Variants in CTNNA2 observed in about 807,000 individuals in gnomAD.
CTNNA2 encodes catenin alpha-2.
CTNNA2 carries 42 observed loss-of-function variants against 101.0 expected under a neutral mutation model. That is an observed-to-expected ratio of 0.42 (90% CI 0.32 to 0.54). The LOEUF (loss-of-function observed/expected upper bound fraction) is 0.54, where lower values mean the gene tolerates loss of function less well. Among genes scored for constraint, CTNNA2 ranks in the 20% least tolerant of loss-of-function variants. CTNNA2 has a pLI of 0.14. For synonymous variants in CTNNA2, 450 were observed against 456.4 expected (o/e 0.99, Z 0.18); for missense variants, 871 against 1,223.1 (o/e 0.71, Z 4.29).
At chr2:80,273,947 G>T (rs7576333) in intron 7 of CTNNA2, among the ~76,000 whole-genome samples, 12,870 of 152,108 alleles carry the variant, frequency 0.085, 1,158 homozygotes, top group African/African-American at 0.22. Context: ...GATGTGTTGT[G>T]GCTCTTGCTT....
At chr2:80,464,194 T>C (rs1684671978) in intron 9 of CTNNA2, among the ~76,000 whole-genome samples, 2 of 152,184 alleles carry the variant, frequency 1.3e-5, no homozygotes, top group Non-Finnish European at 2.9e-5. Flanking sequence ...AGAAAGAATG[T>C]TCTATCTGTC....
rs1315064423 is a variant in CTNNA2, at chr2:79,861,884, A to G, written c.465+3705A>G. On this transcript the variant is annotated intron_variant, in intron 4 of 18. Coordinates refer to ENST00000402739, the MANE Select transcript of CTNNA2 (RefSeq NM_001282597.3). The stretch of plus-strand genomic sequence containing the variant: ...ATTTAAAAATACTGAATTATAATCA[A>G]TTTTATTGTTGAAGTTGCTGACAAA... Among the ~76,000 whole-genome samples the G allele has an allele frequency of 2.6e-5, 4 of 152,184 alleles. No individual in the cohort carries two copies. In the East Asian group the frequency reaches 7.7e-4, roughly 29 times the overall value.
intron 2 of CTNNA2, among the ~76,000 whole-genome samples, chr2:79,703,063 G>T (rs899370735): frequency 6.6e-6 from 1 of 152,184 alleles, no homozygotes; most frequent in African/African-American, 2.4e-5. Context: ...GAGAACAGTT[G>T]TGTCCAGACA....
intron 7 of CTNNA2, among the ~76,000 whole-genome samples, chr2:79,926,672 C>T (rs747369961): frequency 7.9e-5 from 12 of 151,730 alleles, no homozygotes; most frequent in Non-Finnish European, 1.2e-4. Context: ...GGGCTACTTG[C>T]TGACAAGGGT....
At chr2:79,536,773 C>T (rs1425952218) in intron 1 of CTNNA2, among the ~76,000 whole-genome samples, 1 of 141,770 alleles carries the variant, frequency 7.1e-6, no homozygotes, top group Non-Finnish European at 1.6e-5. Flanking sequence ...TCTTGGCTCA[C>T]TCACTGCAAC....
chr2:79,518,376 T>C (rs1010795802), intron 1 of CTNNA2, among the ~76,000 whole-genome samples: 4 of 152,092 alleles, frequency 2.6e-5, no homozygotes, highest in African/African-American at 9.7e-5. Context: ...AGTCCTTGAG[T>C]TGTATATGGT....
chr2:80,552,376 C>A (rs1692642579), intron 11 of CTNNA2, among the ~76,000 whole-genome samples: 1 of 152,072 alleles, frequency 6.6e-6, no homozygotes, highest in Admixed American at 6.6e-5. Flanking sequence ...TAAAACAAGA[C>A]ATGCCTGTAG....
In CTNNA2 at chr2:80,524,776, GCT is replaced by G. The variant is rs946706717; in HGVS notation, c.1291-20200_1291-20199del. ...TTCCTAAACAACTGCCCTCATACATGCTCTCTCACACACAAAAAAATGCTCTC... is the reference window on the plus strand; with the variant it reads ...TTCCTAAACAACTGCCCTCATACATGCTCTCACACACAAAAAAATGCTCTC... On this transcript the variant is annotated intron_variant, in intron 9 of 18. Transcript: ENST00000402739. 5.9e-5 allele frequency among the ~76,000 whole-genome samples: 9 copies of G among 152,196 alleles called. No individual in the cohort carries two copies. In the East Asian group the frequency reaches 7.7e-4, roughly 13 times the overall value.
intron 3 of CTNNA2, among the ~76,000 whole-genome samples, chr2:79,826,786 A>G (rs1678476146): frequency 6.6e-6 from 1 of 152,156 alleles, no homozygotes; most frequent in South Asian, 2.1e-4. Context: ...TCCAAACACA[A>G]TCATCAAGGA....
chr2:80,444,722 C>T (rs1438942764), intron 9 of CTNNA2, among the ~76,000 whole-genome samples: 2 of 152,150 alleles, frequency 1.3e-5, no homozygotes, highest in African/African-American at 4.8e-5. Context: ...AGTTTATTTT[C>T]TCTCTACCTT....
At chr2:79,626,346 T>G (rs17714969) in intron 1 of CTNNA2, among the ~76,000 whole-genome samples, 9,626 of 152,174 alleles carry the variant, frequency 0.063, 345 homozygotes, top group Middle Eastern at 0.078. Context: ...GAACCCTAAT[T>G]ACAGGTTAGC....
At chr2:80,639,596 A>G (rs187117030) in intron 18 of CTNNA2, among the ~76,000 whole-genome samples, 31 of 151,932 alleles carry the variant, frequency 2.0e-4, no homozygotes, top group African/African-American at 7.5e-4. Flanking sequence ...TACCTCTAAC[A>G]CCATCCTTCC....
chr2:79,884,559 C>G (rs1683694326), intron 6 of CTNNA2, among the ~76,000 whole-genome samples: 2 of 152,098 alleles, frequency 1.3e-5, no homozygotes, highest in Non-Finnish European at 2.9e-5. Context: ...TCTATTACCA[C>G]TAATATCTCT....
At chr2:79,227,749 C>CT (rs929866991) in intron 2 of CTNNA2, among the ~76,000 whole-genome samples, 20 of 152,086 alleles carry the variant, frequency 1.3e-4, no homozygotes, top group African/African-American at 4.8e-4. Flanking sequence ...GAGTCATAAT[C>CT]TTTTTTTAAA....
At chr2:79,513,549 C>G (rs955014643) in intron 1 of CTNNA2, among the ~76,000 whole-genome samples, 2 of 152,102 alleles carry the variant, frequency 1.3e-5, no homozygotes, top group African/African-American at 4.8e-5. Context: ...CATCCCTTGC[C>G]TGCTACAACT....
chr2:80,638,835 C>G (rs1673142086), intron 18 of CTNNA2, among the ~76,000 whole-genome samples: 5 of 152,180 alleles, frequency 3.3e-5, no homozygotes, highest in Admixed American at 3.3e-4. Flanking sequence ...CAAAATATGT[C>G]CAGTTGAGAA....
In CTNNA2 at chr2:80,042,715, A is replaced by G. The variant is rs1696148609; in HGVS notation, c.1056+132918A>G. Among the ~76,000 whole-genome samples, 5 of 152,236 alleles carry G rather than the reference A, an allele frequency of 3.3e-5. No individual in the cohort carries two copies. In the South Asian group the frequency reaches 1.0e-3, roughly 31 times the overall value. Reference sequence around the variant, plus strand: ...TGTGGTACATTCACCAACTCAGAGCAAAGGAAACTCATTTGGAGGGGTTAG... The same window carrying G: ...TGTGGTACATTCACCAACTCAGAGCGAAGGAAACTCATTTGGAGGGGTTAG... On this transcript the variant is annotated intron_variant, in intron 7 of 18. Transcript: ENST00000402739.
At chr2:79,266,681 A>G (rs1674991472) in intron 2 of CTNNA2, among the ~76,000 whole-genome samples, 1 of 152,126 alleles carries the variant, frequency 6.6e-6, no homozygotes, top group Admixed American at 6.6e-5. Context: ...GCATGCTGCC[A>G]CATCAAAATT....
At chr2:80,497,677 A>G (rs1419851775) in intron 9 of CTNNA2, among the ~76,000 whole-genome samples, 3 of 152,142 alleles carry the variant, frequency 2.0e-5, no homozygotes, top group Non-Finnish European at 4.4e-5. Flanking sequence ...ATGTTACATT[A>G]TATTAAACTC....
Sources: allele counts gnomAD v4.1 joint callset (sites outside exome capture counted in the v4.1 genomes callset), GRCh38; gene constraint gnomAD v4.1.1; transcripts MANE v1.5; gene names NCBI Gene and HGNC (gene_info 2026-07-23, HGNC 2026-07-21).